MAN1C1: variants seen among roughly 807,000 people sequenced by gnomAD.
MAN1C1 encodes the protein mannosidase alpha class 1C member 1, also known as mannosyl-oligosaccharide 1,2-alpha-mannosidase IC.
A neutral mutation model predicts 71.5 loss-of-function variants in MAN1C1; 49 were observed. The ratio of observed to expected loss-of-function variants is 0.69; its 90% confidence interval spans 0.54 to 0.87. The LOEUF is 0.87. Among genes scored for constraint, MAN1C1 ranks in the 40% least tolerant of loss-of-function variants. The probability of loss-of-function intolerance (pLI) is 0.00; values close to 1 mark genes in which losing one functional copy is unlikely to be tolerated. For missense variants in MAN1C1, 743 were observed against 835.0 expected (o/e 0.89, Z 1.36); for synonymous variants, 352 against 343.7 (o/e 1.02, Z -0.27).
chr1:25,618,999 A>C (rs2124745033), intron 1 of MAN1C1, among the ~76,000 whole-genome samples: 1 of 152,326 alleles, frequency 6.6e-6, no homozygotes, highest in East Asian at 1.9e-4. Context: ...AGAAGCTCCG[A>C]GGTTATTGGC....
intron 1 of MAN1C1, among the ~76,000 whole-genome samples, chr1:25,651,013 G>C (rs993784763): frequency 6.6e-6 from 1 of 152,146 alleles, no homozygotes; most frequent in Non-Finnish European, 1.5e-5. Flanking sequence ...GAGACCTGGA[G>C]GGGGTTGGCT....
chr1:25,682,760 G>A (rs150637719), intron 1 of MAN1C1, among the ~76,000 whole-genome samples: 1,744 of 152,230 alleles, frequency 0.011, 11 homozygotes, highest in Non-Finnish European at 0.015. Context: ...ACCACTGGCT[G>A]GGCACGGTGG....
chr1:25,758,703 T>C lies in MAN1C1; in HGVS notation c.1041T>C (p.Ala347=). ...LTELSGNQVF[A]EKVRNIRKVL... is the part of the protein sequence containing the mutation. Reference sequence around the variant, plus strand: ...AACTCTCTGGCAACCAGGTCTTCGCTGAAAAGGCAAGTCTCCTCCCCACCC... The same window carrying C: ...AACTCTCTGGCAACCAGGTCTTCGCCGAAAAGGCAAGTCTCCTCCCCACCC... Residue 347 remains alanine (A), a synonymous_variant, in exon 6 of 12, where the codon GCT becomes GCC. Transcript: ENST00000374332. 6.2e-7 allele frequency: 1 copy of C among 1,613,336 alleles called. No individual in the cohort carries two copies. Among genetic ancestry groups the C allele is most frequent in the Non-Finnish European group, 8.5e-7 (1 of 1,179,290 alleles).
chr1:25,771,501 G>A (rs1223146850), intron 7 of MAN1C1, among the ~76,000 whole-genome samples, 156 bp from the exon 8 acceptor site: 1 of 152,136 alleles, frequency 6.6e-6, no homozygotes, highest in Non-Finnish European at 1.5e-5. Context: ...TGTCTGCCTC[G>A]CAGTACCCAT....
At chr1:25,743,338 C>T (rs546637660) in intron 2 of MAN1C1, among the ~76,000 whole-genome samples, 1 of 152,218 alleles carries the variant, frequency 6.6e-6, no homozygotes, top group Admixed American at 6.5e-5. Flanking sequence ...CCTAGGGAAG[C>T]GTCCAAGCTG....
rs997838931 is a variant in MAN1C1 at position 25,779,134 on chromosome 1, G to T, written c.1477+810G>T. Reference sequence around the variant, plus strand: ...CGCTCTGAGTGGTAATCCCAGTGTTGGTTGGAGGGGACGACCCAAGATTTG... The same window carrying T: ...CGCTCTGAGTGGTAATCCCAGTGTTTGTTGGAGGGGACGACCCAAGATTTG... On this transcript the variant is annotated intron_variant, in intron 9 of 11. Transcript: ENST00000374332. This position sits in a 1 kb window ranked among gnomAD's most constrained non-coding sequence, Gnocchi z 4.6. Among the ~76,000 whole-genome samples the T allele has an allele frequency of 1.3e-5, 2 of 152,212 alleles. No individual in the cohort carries two copies. Among genetic ancestry groups the T allele is most frequent in the African/African-American group, 4.8e-5 (2 of 41,460 alleles).
intron 1 of MAN1C1, among the ~76,000 whole-genome samples, chr1:25,638,179 C>T (rs527782013): frequency 6.6e-5 from 10 of 151,928 alleles, no homozygotes; most frequent in East Asian, 1.9e-4. Flanking sequence ...ATCCGTTATA[C>T]GCATACACAC....
intron 1 of MAN1C1, among the ~76,000 whole-genome samples, chr1:25,619,220 A>T (rs2045167177): frequency 6.6e-6 from 1 of 152,174 alleles, no homozygotes; most frequent in African/African-American, 2.4e-5. Flanking sequence ...CCAGCAATGC[A>T]GAGGGGGCTG....
intron 1 of MAN1C1, among the ~76,000 whole-genome samples, chr1:25,650,302 T>C (rs1249166602): frequency 6.6e-6 from 1 of 152,244 alleles, no homozygotes; most frequent in Non-Finnish European, 1.5e-5. Context: ...ATCTGGCTCA[T>C]GGCTGGGCTG....
chr1:25,781,234 C>A, intron 10 of MAN1C1, 122 bp downstream of exon 10: 1 of 1,041,472 alleles, frequency 9.6e-7, no homozygotes, highest in Non-Finnish European at 1.4e-6. Context: ...CCTCTGACCA[C>A]AGTTCAGAGT....
rs954494771 is a variant in MAN1C1 at position 25,635,000 on chromosome 1, A to C, written c.540+16663A>C. 6.6e-6 allele frequency among the ~76,000 whole-genome samples: 1 copy of C among 151,906 alleles called. No homozygotes were observed. The highest frequency in any genetic ancestry group is 2.4e-5 in the African/African-American group (1 of 41,356). ...CAACATTATGTTGACATCATAAAAT[A>C]AACTGTATGTTGACTTGTATTCAAT... On this transcript the variant is annotated intron_variant, in intron 1 of 11. Transcript: ENST00000374332. This position sits in a 1 kb window ranked among gnomAD's most constrained non-coding sequence, Gnocchi z 4.6.
intron 1 of MAN1C1, among the ~76,000 whole-genome samples, chr1:25,643,215 T>G (rs2045560544): frequency 1.3e-5 from 2 of 150,250 alleles, no homozygotes; most frequent in Non-Finnish European, 1.5e-5. Flanking sequence ...CTGCAGTCCT[T>G]AGTCCTACCT....
chr1:25,741,222 C>T (rs749548076), intron 2 of MAN1C1, among the ~76,000 whole-genome samples: 28 of 152,080 alleles, frequency 1.8e-4, no homozygotes, highest in Admixed American at 3.9e-4. Flanking sequence ...CCTCATGATC[C>T]GCCTGCCTCA....
intron 2 of MAN1C1, among the ~76,000 whole-genome samples, chr1:25,696,643 CT>C (rs2124204643): frequency 6.6e-6 from 1 of 152,046 alleles, no homozygotes; most frequent in South Asian, 2.1e-4. Flanking sequence ...TTTTACTTTT[CT>C]TTTCCTTCTT....
intron 2 of MAN1C1, among the ~76,000 whole-genome samples, chr1:25,740,669 C>T (rs181082775): frequency 1.3e-5 from 2 of 152,228 alleles, no homozygotes; most frequent in Admixed American, 6.5e-5. Context: ...ATCTCCTGAC[C>T]TCGTGATCCA....
rs544376188 is a variant in MAN1C1 at position 25,749,883 on chromosome 1, C to A, written c.834+548C>A. On this transcript the variant is annotated intron_variant, in intron 4 of 11. Coordinates refer to ENST00000374332, the MANE Select transcript of MAN1C1 (RefSeq NM_020379.4). The stretch of plus-strand genomic sequence containing the variant: ...TCCTGGGCCAACCACCAGCCAGACA[C>A]CTGCTCCAGGTCTCACGGGGGCAGC... 1.1e-3 allele frequency among the ~76,000 whole-genome samples: 172 copies of A among 152,368 alleles called. 9 individuals carry two copies. Among genetic ancestry groups the A allele is most frequent in the Non-Finnish European group, 7.5e-4 (51 of 68,042 alleles).
chr1:25,698,591 G>A (rs952102690), intron 2 of MAN1C1, among the ~76,000 whole-genome samples: 7 of 152,124 alleles, frequency 4.6e-5, no homozygotes, highest in African/African-American at 1.4e-4. Flanking sequence ...CCGTCCGTGC[G>A]AGTGCTGTGA....
intron 5 of MAN1C1, among the ~76,000 whole-genome samples, chr1:25,757,130 C>G (rs1435714822): frequency 6.6e-6 from 1 of 152,208 alleles, no homozygotes; most frequent in Non-Finnish European, 1.5e-5. Flanking sequence ...TTAGAGAGAA[C>G]AGCAGTATCA....
chr1:25,689,950 C>G (rs1252294134), intron 2 of MAN1C1, among the ~76,000 whole-genome samples: 3 of 152,164 alleles, frequency 2.0e-5, no homozygotes, highest in African/African-American at 7.2e-5. Flanking sequence ...CACACAGGTG[C>G]CTAGTTTTGC....
Sources: gnomAD v4.1 joint callset for allele counts (sites outside exome capture counted in the v4.1 genomes callset) on GRCh38, gnomAD v4.1.1 for gene constraint, Gnocchi (gnomAD v3.1) non-coding constraint, MANE v1.5 for transcripts, NCBI Gene and HGNC (gene_info 2026-07-23, HGNC 2026-07-21) for gene names.